The following MARCHF1 variants were observed in gnomAD, a reference collection of about 807,000 sequenced individuals.
MARCHF1 encodes E3 ubiquitin-protein ligase MARCHF1.
In MARCHF1, 40 loss-of-function variants were observed where a neutral mutation model predicts 54.2. That is an observed-to-expected ratio of 0.74 (90% CI 0.57 to 0.96). The LOEUF is 0.96. Among genes scored for constraint, MARCHF1 ranks in the 40% least tolerant of loss-of-function variants. The pLI, the probability that MARCHF1 is intolerant of heterozygous loss-of-function variation, is 0.00. For missense variants in MARCHF1, 586 were observed against 656.5 expected (o/e 0.89, Z 1.17); for synonymous variants, 236 against 236.3 (o/e 1.00, Z 0.01).
intron 4 of MARCHF1, among the ~76,000 whole-genome samples, chr4:163,778,949 C>A (rs989682698): frequency 6.6e-6 from 1 of 152,002 alleles, no homozygotes; most frequent in East Asian, 1.9e-4. Flanking sequence ...GTGCAAGCAA[C>A]GAAATTATGC....
At chr4:163,920,015 A>G (rs1751389122) in intron 3 of MARCHF1, among the ~76,000 whole-genome samples, 1 of 152,204 alleles carries the variant, frequency 6.6e-6, no homozygotes, top group Non-Finnish European at 1.5e-5. Context: ...TTACATTAAA[A>G]TGAGAAAGAT....
chr4:163,888,628 T>G (rs759030459), intron 3 of MARCHF1, among the ~76,000 whole-genome samples: 5 of 152,166 alleles, frequency 3.3e-5, no homozygotes, highest in Non-Finnish European at 7.4e-5. Context: ...GCAGTGAGGT[T>G]TCCTATATCT....
At chr4:164,275,623 A>C (rs554401155) in intron 1 of MARCHF1, among the ~76,000 whole-genome samples, 1 of 152,364 alleles carries the variant, frequency 6.6e-6, no homozygotes, top group East Asian at 1.9e-4. Flanking sequence ...GGTACTTAAA[A>C]GTTAGCTCCA....
At chr4:163,719,098 G>C (rs538552466) in intron 4 of MARCHF1, among the ~76,000 whole-genome samples, 1 of 152,032 alleles carries the variant, frequency 6.6e-6, no homozygotes, top group Non-Finnish European at 1.5e-5. Flanking sequence ...TGTTACATAC[G>C]TATACATGGG....
intron 1 of MARCHF1, among the ~76,000 whole-genome samples, chr4:164,127,304 G>A (rs545187596): frequency 2.0e-5 from 3 of 152,256 alleles, no homozygotes; most frequent in African/African-American, 7.2e-5. Flanking sequence ...AATGCAAGAA[G>A]AGAGAAACAA....
chr4:164,230,721 C>G (rs1037751649), intron 1 of MARCHF1, among the ~76,000 whole-genome samples: 1 of 152,084 alleles, frequency 6.6e-6, no homozygotes, highest in Admixed American at 6.6e-5. Flanking sequence ...GGCCCTTAGC[C>G]AGAACCACCC....
At chr4:163,825,625 T>C (rs1236546551) in intron 4 of MARCHF1, among the ~76,000 whole-genome samples, 1 of 152,076 alleles carries the variant, frequency 6.6e-6, no homozygotes, top group Non-Finnish European at 1.5e-5. Context: ...TACCTTTTAA[T>C]AGTAGCCATT....
At chr4:163,702,399 G>T (rs760323997) in intron 4 of MARCHF1, among the ~76,000 whole-genome samples, 2 of 152,158 alleles carry the variant, frequency 1.3e-5, no homozygotes, top group Non-Finnish European at 2.9e-5. Flanking sequence ...ACATTATTGT[G>T]TAGGACAGAG....
intron 5 of MARCHF1, among the ~76,000 whole-genome samples, chr4:163,637,850 C>A (rs1742397446): frequency 6.6e-6 from 1 of 151,384 alleles, no homozygotes; most frequent in Non-Finnish European, 1.5e-5. Flanking sequence ...ACCCAAATGT[C>A]CAACAATGAT....
chr4:164,204,408 T>C (rs1195804399), intron 1 of MARCHF1, among the ~76,000 whole-genome samples: 2 of 152,184 alleles, frequency 1.3e-5, no homozygotes, highest in East Asian at 3.9e-4. Flanking sequence ...AGAATCCATT[T>C]TTAAAAAATC....
intron 3 of MARCHF1, among the ~76,000 whole-genome samples, chr4:163,867,481 T>C (rs1750077873): frequency 6.6e-6 from 1 of 151,670 alleles, no homozygotes; most frequent in African/African-American, 2.4e-5. Context: ...TTACTTATTT[T>C]AATAATAAAC....
At chr4:163,799,507 G>T (rs1487644960) in intron 4 of MARCHF1, among the ~76,000 whole-genome samples, 1 of 152,094 alleles carries the variant, frequency 6.6e-6, no homozygotes, top group African/African-American at 2.4e-5. Context: ...GAACTAGCAT[G>T]TAAAAAGGCA....
intron 1 of MARCHF1, among the ~76,000 whole-genome samples, chr4:164,378,644 G>A (rs571743585): frequency 1.4e-4 from 21 of 152,336 alleles, no homozygotes; most frequent in East Asian, 3.9e-4. Flanking sequence ...CCATCCCACC[G>A]TATCTGTCTA....
chr4:163,717,021 G>A (rs6819570), intron 4 of MARCHF1, among the ~76,000 whole-genome samples: 69,076 of 151,682 alleles, frequency 0.46, 15,844 homozygotes, highest in Admixed American at 0.5. Context: ...TATACTTTAA[G>A]TTTTAGTGTA....
intron 4 of MARCHF1, among the ~76,000 whole-genome samples, chr4:163,725,577 A>G (rs1288842430): frequency 6.6e-6 from 1 of 152,222 alleles, no homozygotes; most frequent in Admixed American, 6.5e-5. Flanking sequence ...GTGATAATGA[A>G]TTATACATTT....
In MARCHF1 at chr4:164,109,912, T is replaced by TAAAAAAAAAAA. The variant is rs57433858; in HGVS notation, c.-248+1665_-248+1675dup. 6.3e-3 allele frequency among the ~76,000 whole-genome samples: 400 copies of TAAAAAAAAAAA among 63,028 alleles called. 3 individuals are homozygous for TAAAAAAAAAAA. Among genetic ancestry groups the TAAAAAAAAAAA allele is most frequent in the East Asian group, 0.019 (36 of 1,890 alleles). The allele number at this position is 63,028 out of a possible 152,430, so 41.3% of individuals were successfully genotyped here. ...CATACCCCTGAACCTAAAATAAAAGTAAAAAAAAAAAAAAAAAAAAAAAAG... is the reference window on the plus strand; with the variant it reads ...CATACCCCTGAACCTAAAATAAAAGTAAAAAAAAAAAAAAAAAAAAAAAAAAAAAAAAAAAG... On this transcript the variant is annotated intron_variant, in intron 2 of 9. Transcript: ENST00000514618.
intron 3 of MARCHF1, among the ~76,000 whole-genome samples, chr4:163,859,640 C>T (rs1749868950): frequency 6.6e-6 from 1 of 152,074 alleles, no homozygotes; most frequent in South Asian, 2.1e-4. Flanking sequence ...GGATTATAGG[C>T]ATAAGCCACT....
At chr4:164,135,174 A>G (rs888038110) in intron 1 of MARCHF1, among the ~76,000 whole-genome samples, 2 of 152,230 alleles carry the variant, frequency 1.3e-5, no homozygotes, top group African/African-American at 4.8e-5. Context: ...ACTACGGTTC[A>G]GTTAAAACTA....
At chr4:163,991,580 G>A (rs1222559479) in intron 2 of MARCHF1, among the ~76,000 whole-genome samples, 4 of 152,298 alleles carry the variant, frequency 2.6e-5, no homozygotes, top group African/African-American at 7.2e-5. Flanking sequence ...ACCCTGTGGA[G>A]TCACAAGGAG....
Sources: gnomAD v4.1 joint callset for allele counts (sites outside exome capture counted in the v4.1 genomes callset) on GRCh38, gnomAD v4.1.1 for gene constraint, MANE v1.5 for transcripts, NCBI Gene and HGNC (gene_info 2026-07-23, HGNC 2026-07-21) for gene names.